The following HDGF variants were observed in gnomAD, a reference collection of about 807,000 sequenced individuals.
HDGF encodes the protein heparin binding growth factor.
A neutral mutation model predicts 30.0 loss-of-function variants in HDGF; 5 were observed. That is an observed-to-expected ratio of 0.17 (90% CI 0.09 to 0.35). The LOEUF (loss-of-function observed/expected upper bound fraction) is 0.35, where lower values mean the gene tolerates loss of function less well. Ranked by LOEUF, HDGF falls within the 10% of genes least tolerant of loss-of-function variation. The probability of loss-of-function intolerance (pLI) is 1.00; values close to 1 mark genes in which losing one functional copy is unlikely to be tolerated. For missense variants in HDGF, 214 were observed against 302.8 expected (o/e 0.71, Z 2.18); for synonymous variants, 133 against 112.7 (o/e 1.18, Z -1.14).
At chr1:156,761,590 CAG>C (rs1332678257) in intron 1 of HDGF, among the ~76,000 whole-genome samples, 1 of 142,474 alleles carries the variant, frequency 7.0e-6, no homozygotes, top group Non-Finnish European at 1.5e-5. Flanking sequence ...GCCTTGGCGA[CAG>C]AGTGAGACTC....
chr1:156,744,185 CTCT>C lies in HDGF; in HGVS notation c.464_466del (p.Lys155del). 1 of 1,614,116 alleles carries C rather than the reference CTCT, an allele frequency of 6.2e-7. No homozygotes were observed. Among genetic ancestry groups the C allele is most frequent in the Non-Finnish European group, 8.5e-7 (1 of 1,180,010 alleles). On this transcript the variant is annotated inframe_deletion, in exon 4 of 6. Coordinates refer to ENST00000357325, the MANE Select transcript of HDGF (RefSeq NM_004494.3). ...TACCTCCAGCAAGTCCCCTGCTCTC[CTCT>C]TCAACGCTCCTTTCTCGTTCTTCTC...
At chr1:156,746,880 A>C (rs1362584043) in intron 1 of HDGF, among the ~76,000 whole-genome samples, 1 of 152,202 alleles carries the variant, frequency 6.6e-6, no homozygotes. Flanking sequence ...AGACAGGGAC[A>C]GAGGGCCCAA....
At chr1:156,752,267 C>A (rs1410023207), upstream of HDGF, 5 of 1,551,684 alleles carry the variant, frequency 3.2e-6, no homozygotes, top group Non-Finnish European at 3.5e-6. Context: ...GGGATTTGAG[C>A]CCTACGTCCG....
Position 156,745,240 on chromosome 1 carries a change from C to T in HDGF, c.164+57G>A. ...AGGGGCACCAACACCACCTCACCTT[C>T]CCCAGAGTAGTCCTCCCGGGGCCCT... On this transcript the variant is annotated intron_variant, in intron 2 of 5. Coordinates refer to ENST00000357325, the MANE Select transcript of HDGF (RefSeq NM_004494.3). 2.5e-6 allele frequency: 4 copies of T among 1,609,984 alleles called. No homozygotes were observed. In the South Asian group the frequency reaches 3.3e-5, roughly 13 times the overall value.
upstream of HDGF, chr1:156,752,411 CAA>C: frequency 6.7e-7 from 1 of 1,503,686 alleles, no homozygotes; most frequent in Non-Finnish European, 9.1e-7. Flanking sequence ...GACTTGGACT[CAA>C]CGGCTAGCTA....
At chr1:156,743,960 T>G (rs1650323284) in intron 4 of HDGF, 82 bp from the exon 5 acceptor site, 5 of 1,170,476 alleles carry the variant, frequency 4.3e-6, no homozygotes, top group Non-Finnish European at 6.4e-6. Context: ...CGGGGCTCCT[T>G]CCCAGGCTGA....
chr1:156,751,321 G>A lies in HDGF; in HGVS notation c.87+22C>T, dbSNP rs1650965487. 3.1e-6 allele frequency: 5 copies of A among 1,604,492 alleles called. No homozygotes were observed. The highest frequency in any genetic ancestry group is 4.3e-6 in the Non-Finnish European group (5 of 1,175,158). ...AACCCAAGCCCGCAGGGGGTTAGGG[G>A]GCGGCGGGCCGCGCTGCTCACCCGG... On this transcript the variant is annotated intron_variant, in intron 1 of 5. Transcript: ENST00000357325. This position sits in a 1 kb window ranked among gnomAD's most constrained non-coding sequence, Gnocchi z 4.7.
intron 1 of HDGF, among the ~76,000 whole-genome samples, chr1:156,749,388 C>T (rs898136816): frequency 6.6e-6 from 1 of 152,236 alleles, no homozygotes; most frequent in Non-Finnish European, 1.5e-5. Context: ...GACTCGAGGT[C>T]TGTTCTTTTG....
At position 156,745,283 on chromosome 1, in the gene HDGF, T is replaced by G; in HGVS notation, c.164+14A>C. Reference sequence around the variant, plus strand: ...GGGGCCCTCCCGACCTATACCCCTTTGGCCTCCACTCACGTCTCGTGGGTC... The same window carrying G: ...GGGGCCCTCCCGACCTATACCCCTTGGGCCTCCACTCACGTCTCGTGGGTC... On this transcript the variant is annotated intron_variant, in intron 2 of 5. Transcript: ENST00000357325. 1 of 1,613,242 alleles carries G rather than the reference T, an allele frequency of 6.2e-7. No individual in the cohort carries two copies. Among genetic ancestry groups the G allele is most frequent in the Non-Finnish European group, 8.5e-7 (1 of 1,179,626 alleles).
At chr1:156,751,707 C>G, upstream of HDGF, 2 of 1,208,364 alleles carry the variant, frequency 1.7e-6, no homozygotes, top group Non-Finnish European at 2.1e-6. This position sits in a 1 kb window ranked among gnomAD's most constrained non-coding sequence, Gnocchi z 4.7. Flanking sequence ...TGCGCGAGGC[C>G]TCTTCCTCCA....
chr1:156,754,409 C>T (rs1252028147), upstream of HDGF, among the ~76,000 whole-genome samples: 5 of 152,208 alleles, frequency 3.3e-5, no homozygotes, highest in African/African-American at 4.8e-5. Flanking sequence ...TGCAATAATA[C>T]AACCAGGGTT....
upstream of HDGF, among the ~76,000 whole-genome samples, chr1:156,755,344 A>G (rs1172482677): frequency 6.6e-6 from 1 of 152,212 alleles, no homozygotes; most frequent in African/African-American, 2.4e-5. Flanking sequence ...AGCTGACAGC[A>G]GCGGAGAGAT....
intron 1 of HDGF, chr1:156,747,437 G>C (rs1483972144): frequency 6.6e-6 from 1 of 152,300 alleles, no homozygotes; most frequent in Non-Finnish European, 1.5e-5. Context: ...AGCCAGACCT[G>C]GAGCAGGGAC....
chr1:156,763,189 A>G (rs1485159583), intron 1 of HDGF, among the ~76,000 whole-genome samples: 2 of 152,086 alleles, frequency 1.3e-5, no homozygotes, highest in African/African-American at 2.4e-5. Flanking sequence ...AGGGAAACAA[A>G]TATGTTTAAT....
At chr1:156,753,620 G>A (rs529098994), upstream of HDGF, among the ~76,000 whole-genome samples, 17 of 152,212 alleles carry the variant, frequency 1.1e-4, no homozygotes, top group African/African-American at 3.9e-4. Flanking sequence ...GGCCAATCTC[G>A]GCTCACTGCA....
chr1:156,749,511 T>G (rs1571552444), intron 1 of HDGF, among the ~76,000 whole-genome samples: 1 of 152,262 alleles, frequency 6.6e-6, no homozygotes, highest in Middle Eastern at 3.4e-3. Context: ...CTCTTTGAGA[T>G]CCAGGCTGAT....
chr1:156,756,126 C>T (rs919565033), upstream of HDGF, among the ~76,000 whole-genome samples: 9 of 152,074 alleles, frequency 5.9e-5, no homozygotes, highest in Admixed American at 2.0e-4. Flanking sequence ...GTGGCGGGCC[C>T]CTGTAATCCC....
chr1:156,744,036 G>A, intron 4 of HDGF, 127 bp downstream of exon 4: 5 of 1,095,118 alleles, frequency 4.6e-6, no homozygotes, highest in Non-Finnish European at 7.0e-6. Flanking sequence ...GTCAGCTGGG[G>A]ACTCCCCAAG....
chr1:156,762,094 A>G (rs1423825118), intron 1 of HDGF, among the ~76,000 whole-genome samples: 1 of 151,990 alleles, frequency 6.6e-6, no homozygotes, highest in Non-Finnish European at 1.5e-5. Flanking sequence ...GTGAGCCCAG[A>G]TAGCACCACT....
Sources: allele counts gnomAD v4.1 joint callset (sites outside exome capture counted in the v4.1 genomes callset), GRCh38; gene constraint gnomAD v4.1.1; non-coding constraint Gnocchi (gnomAD v3.1); transcripts MANE v1.5; gene names NCBI Gene and HGNC (gene_info 2026-07-23, HGNC 2026-07-21).